The following ATAD5 variants were observed in gnomAD, a reference collection of about 807,000 sequenced individuals.
ATAD5 encodes ATPase family AAA domain containing 5.
A neutral mutation model predicts 176.9 loss-of-function variants in ATAD5; 58 were observed. The ratio of observed to expected loss-of-function variants is 0.33; its 90% CI spans 0.27 to 0.41. ATAD5 has a LOEUF of 0.41. Among genes scored for constraint, ATAD5 ranks in the 10% least tolerant of loss-of-function variants. The pLI is 1.00. For synonymous variants in ATAD5, 640 were observed against 712.6 expected (o/e 0.90, Z 1.62); for missense variants, 1,789 against 2,094.1 (o/e 0.85, Z 2.84).
chr17:30,852,556 C>T (rs1010130946), intron 6 of ATAD5, among the ~76,000 whole-genome samples: 2 of 152,112 alleles, frequency 1.3e-5, no homozygotes, highest in Non-Finnish European at 2.9e-5. Context: ...ACCTAAGACT[C>T]GGTAATTTAT....
At chr17:30,839,554 C>T (rs891646894) in intron 3 of ATAD5, among the ~76,000 whole-genome samples, 28 of 146,382 alleles carry the variant, frequency 1.9e-4, no homozygotes, top group African/African-American at 6.4e-4. Flanking sequence ...GGATTACAGG[C>T]GTGAGACACT....
intron 21 of ATAD5, 91 bp downstream of exon 21, chr17:30,894,241 C>CTAT: frequency 8.8e-7 from 1 of 1,132,486 alleles, no homozygotes; most frequent in Non-Finnish European, 1.2e-6. Context: ...AAATGCTGTA[C>CTAT]TATTGATCAT....
chr17:30,832,370 C>T lies in ATAD5; in HGVS notation c.23C>T (p.Ala8Val). Residue 8 changes from alanine (A) to valine (V), a missense_variant, in exon 1 of 23, where the codon GCG (alanine) becomes GTG (valine). By Grantham distance (64) the Ala-to-Val change is moderately conservative (BLOSUM62 0). This residue lies in a region of ATAD5 where 696 missense variants were observed against 712.5 expected (regional missense o/e 0.98). Transcript: ENST00000321990. MVGVLAMAAAAAPPPVKD... is the reference protein window; with the variant it reads MVGVLAMVAAAAPPPVKD... ...AGTATGGTGGGGGTCCTGGCCATGG[C>T]GGCTGCAGCTGCTCCGCCTCCCGTG... 6.4e-7 allele frequency: 1 copy of T among 1,563,312 alleles called. No individual in the cohort carries two copies. Among genetic ancestry groups the T allele is most frequent in the African/African-American group, 1.4e-5 (1 of 71,984 alleles).
chr17:30,878,522 T>C (rs1002450909), intron 17 of ATAD5, among the ~76,000 whole-genome samples: 5 of 152,062 alleles, frequency 3.3e-5, no homozygotes, highest in African/African-American at 1.2e-4. Context: ...TCTAAAGAAT[T>C]ATCACAGAAT....
chr17:30,835,897 A>G lies in ATAD5; in HGVS notation c.1816A>G (p.Thr606Ala), dbSNP rs749090253. Residue 606 changes from threonine (T) to alanine (A), a missense_variant, in exon 2 of 23, where the codon ACA becomes GCA. This residue lies in a region of ATAD5 where 696 missense variants were observed against 712.5 expected (regional missense o/e 0.98). Transcript: ENST00000321990. ...RSGRISSTPT[T>A]ETIRGIDSDD... ...TGGAAGAATTAGCAGCACACCTACT[A>G]CAGAAACCATTAGAGGTATTGATTC... 5.6e-6 allele frequency: 9 copies of G among 1,614,146 alleles called. No individual in the cohort carries two copies. Among genetic ancestry groups the G allele is most frequent in the Middle Eastern group, 3.3e-4 (2 of 6,062 alleles).
intron 18 of ATAD5, among the ~76,000 whole-genome samples, chr17:30,885,370 C>T (rs914138885): frequency 5.3e-5 from 8 of 152,026 alleles, no homozygotes; most frequent in African/African-American, 1.9e-4. Flanking sequence ...TCTGTGTACT[C>T]AATCATGTTA....
At chr17:30,882,957 G>A (rs549889187) in intron 18 of ATAD5, among the ~76,000 whole-genome samples, 22 of 152,162 alleles carry the variant, frequency 1.4e-4, no homozygotes, top group African/African-American at 4.8e-4. Context: ...TTAGATAGTG[G>A]TAATGGGTGC....
chr17:30,853,202 T>C (rs928254449), intron 6 of ATAD5, among the ~76,000 whole-genome samples: 4 of 152,112 alleles, frequency 2.6e-5, no homozygotes, highest in Admixed American at 2.0e-4. Flanking sequence ...TATTTCAATA[T>C]GAAATTTGGA....
rs200447412 is a variant in ATAD5 at position 30,893,358 on chromosome 17, G to A, written c.4505G>A (p.Arg1502Gln). 1.5e-4 allele frequency: 242 copies of A among 1,595,752 alleles called. No homozygotes were observed. The highest frequency in any genetic ancestry group is 1.8e-4 in the Non-Finnish European group (212 of 1,173,234). Reference protein sequence around the residue: ...FIQLLTEFQMRNVDFLYSNLE... With the variant: ...FIQLLTEFQMQNVDFLYSNLE... ...CAGCTTCTTACAGAATTCCAAATGC[G>A]GAATGTAGATTTTTTATATAGTAAT... is the stretch of plus-strand genomic sequence containing the variant. The change falls in exon 21 of 23, where the codon CGG becomes CAG. Residue 1502 changes from arginine to glutamine, a missense_variant. Arg to Gln is a conservative substitution (Grantham distance 43). This residue lies in a region of ATAD5 where 403 missense variants were observed against 495.1 expected (regional missense o/e 0.81). Coordinates refer to ENST00000321990, the MANE Select transcript of ATAD5 (RefSeq NM_024857.5).
intron 10 of ATAD5, among the ~76,000 whole-genome samples, chr17:30,861,123 T>C (rs1907604942): frequency 6.6e-6 from 1 of 151,674 alleles, no homozygotes; most frequent in Non-Finnish European, 1.5e-5. Flanking sequence ...AATTTTTATA[T>C]TTTTAGTAGA....
chr17:30,881,093 T>TTTTG (rs151064934), intron 18 of ATAD5, among the ~76,000 whole-genome samples: 19,642 of 151,400 alleles, frequency 0.13, 1,410 homozygotes, highest in South Asian at 0.24. Context: ...CCTTTTTCTT[T>TTTTG]TTTTTCATTC....
At chr17:30,891,662 T>G (rs1337438069) in intron 19 of ATAD5, among the ~76,000 whole-genome samples, 1 of 142,698 alleles carries the variant, frequency 7.0e-6, no homozygotes, top group Non-Finnish European at 1.5e-5. Context: ...TGTGAGCCAC[T>G]GCACCCGGCT....
rs764002307 is a variant in ATAD5, at chr17:30,840,759, G to C, written c.2219G>C (p.Arg740Thr). The C allele has an allele frequency of 6.3e-7, 1 of 1,599,248 alleles. No individual in the cohort carries two copies. The highest frequency in any genetic ancestry group is 1.8e-5 in the Admixed American group (1 of 55,390). ...RSSRHQTLPERKKLSETEDSV... is the reference protein window; with the variant it reads ...RSSRHQTLPETKKLSETEDSV... ...TCTAGACATCAGACACTTCCTGAAA[G>C]GAAGAAATTGTCAGAAACAGAAGTA... is the stretch of plus-strand genomic sequence containing the variant. Residue 740 changes from arginine (R) to threonine (T), a missense_variant, in exon 4 of 23, where the codon AGG becomes ACG. Arg to Thr is a moderately conservative substitution (Grantham distance 71, BLOSUM62 -1). Coordinates refer to ENST00000321990, the MANE Select transcript of ATAD5 (RefSeq NM_024857.5).
Position 30,894,581 on chromosome 17 carries a change from T to C in ATAD5, c.5315T>C (p.Ile1772Thr). 1 of 1,607,886 alleles carries C rather than the reference T, an allele frequency of 6.2e-7. No homozygotes were observed. The highest frequency in any genetic ancestry group is 8.5e-7 in the Non-Finnish European group (1 of 1,178,472). ...AANLDNAWKR[I>T]SVIKSVFSSR... ...TTTTACAGCAATGCTTGGAAGAGGATATCAGTCATTAAAAGTGTATTTTCG... is the reference window on the plus strand; with the variant it reads ...TTTTACAGCAATGCTTGGAAGAGGACATCAGTCATTAAAAGTGTATTTTCG... Residue 1772 changes from isoleucine (I) to threonine (T), a missense_variant, in exon 22 of 23, where the codon ATA becomes ACA. This residue lies in a region of ATAD5 where 403 missense variants were observed against 495.1 expected (regional missense o/e 0.81). Transcript: ENST00000321990.
At chr17:30,854,896 T>A (rs1907200355) in intron 6 of ATAD5, among the ~76,000 whole-genome samples, 1 of 151,962 alleles carries the variant, frequency 6.6e-6, no homozygotes, top group Non-Finnish European at 1.5e-5. Flanking sequence ...GTAGCTTGGA[T>A]TACAGGCATT....
At position 30,868,239 on chromosome 17, in the gene ATAD5, A is replaced by G. The variant is rs1039900604; in HGVS notation, c.3234-94A>G. The G allele has an allele frequency of 3.8e-6, 4 of 1,049,144 alleles. No homozygotes were observed. In the East Asian group the frequency reaches 9.1e-5, roughly 24 times the overall value. The allele number at this position is 1,049,144 out of a possible 1,614,324, so 65.0% of individuals were successfully genotyped here. On this transcript the variant is annotated intron_variant, in intron 11 of 22. Coordinates refer to ENST00000321990, the MANE Select transcript of ATAD5 (RefSeq NM_024857.5). ...ATGGCCAGTGGCAGAGAAACTAACA[A>G]TATGCCATAACTTCCCCCGATAATC...
intron 10 of ATAD5, among the ~76,000 whole-genome samples, chr17:30,863,346 C>T (rs1319635418): frequency 6.6e-6 from 1 of 151,460 alleles, no homozygotes; most frequent in East Asian, 1.9e-4. Context: ...CAGGAGCCCA[C>T]CACCATGCTC....
In ATAD5 at chr17:30,835,390, G is replaced by A. The variant is rs778334462; in HGVS notation, c.1309G>A (p.Val437Ile). 6.8e-6 allele frequency: 11 copies of A among 1,610,262 alleles called. No homozygotes were observed. The highest frequency in any genetic ancestry group is 9.3e-6 in the Non-Finnish European group (11 of 1,179,082). Residue 437 changes from valine to isoleucine, a missense_variant, in exon 2 of 23, where the codon GTA becomes ATA. By Grantham distance (29) the Val-to-Ile change is conservative. Around this residue, in one of 6 missense-constraint regions of ATAD5, gnomAD observed 696 missense variants for 712.5 expected, o/e 0.98. Transcript: ENST00000321990. ...KDLNEKCLYE[V>I]GRDDNSKKIM... The stretch of plus-strand genomic sequence containing the variant: ...CCTTAATGAAAAATGTCTATATGAA[G>A]TAGGAAGAGATGATAATTCTAAAAA...
At chr17:30,843,701 C>T (rs1258617845) in intron 4 of ATAD5, among the ~76,000 whole-genome samples, 3 of 151,168 alleles carry the variant, frequency 2.0e-5, no homozygotes, top group Non-Finnish European at 3.0e-5. Flanking sequence ...TCATAATAAA[C>T]GTACCCTGAT....
Sources: allele counts gnomAD v4.1 joint callset (sites outside exome capture counted in the v4.1 genomes callset), GRCh38; gene constraint gnomAD v4.1.1; regional missense constraint gnomAD v4.1.1; transcripts MANE v1.5; gene names NCBI Gene and HGNC (gene_info 2026-07-23, HGNC 2026-07-21).